Variants in SLCO1B3 observed in about 807,000 individuals in gnomAD.
SLCO1B3 encodes liver-specific organic anion transporter 2.
In SLCO1B3, 72 loss-of-function variants were observed where a neutral mutation model predicts 71.8. That is an observed-to-expected ratio of 1.00 (90% CI 0.83 to 1.22). The LOEUF is 1.22. Ranked by LOEUF, SLCO1B3 falls within the 50% of genes most tolerant of loss-of-function variation. The probability of loss-of-function intolerance (pLI) is 0.00; values close to 1 mark genes in which losing one functional copy is unlikely to be tolerated. For synonymous variants in SLCO1B3, 298 were observed against 278.4 expected (o/e 1.07, Z -0.70); for missense variants, 911 against 819.7 (o/e 1.11, Z -1.36).
At position 20,819,167 on chromosome 12, in the gene SLCO1B3, G is replaced by A. The variant is rs556152526; in HGVS notation, c.84+3345G>A. ...TTTGGACAGAAAGGCTACAGGGTGC[G>A]GTCCTGGCTCTTGTGTAAGAATTCT... On this transcript the variant is annotated intron_variant, in intron 3 of 15. Coordinates refer to ENST00000381545, the MANE Select transcript of SLCO1B3 (RefSeq NM_019844.4). Among the ~76,000 whole-genome samples the A allele has an allele frequency of 1.3e-4, 20 of 152,138 alleles. No individual in the cohort carries two copies. In the East Asian group the frequency reaches 2.9e-3, roughly 22 times the overall value.
chr12:20,908,437 C>A (rs1451961292), intron 15 of SLCO1B3, among the ~76,000 whole-genome samples: 1 of 152,178 alleles, frequency 6.6e-6, no homozygotes, highest in Admixed American at 6.5e-5. Context: ...GTTGAACTTT[C>A]TGTGGGTTTG....
chr12:20,861,953 T>A (rs1168302614), intron 6 of SLCO1B3, among the ~76,000 whole-genome samples: 5 of 151,852 alleles, frequency 3.3e-5, no homozygotes, highest in Non-Finnish European at 5.9e-5. Flanking sequence ...AAAAAAAATA[T>A]TTTGTAACGA....
intron 2 of SLCO1B3, among the ~76,000 whole-genome samples, chr12:20,815,399 A>T (rs1864175157): frequency 6.6e-6 from 1 of 152,126 alleles, no homozygotes; most frequent in Non-Finnish European, 1.5e-5. Flanking sequence ...TTGTTCATAC[A>T]ATCTAGTGTG....
rs550306722 is a variant in SLCO1B3, at chr12:20,886,958, A to T, written c.1682+3356A>T. Among the ~76,000 whole-genome samples, 40 of 152,140 alleles carry T rather than the reference A, an allele frequency of 2.6e-4. No individual in the cohort carries two copies. The South Asian group carries it at 3.7e-3, about 14-fold the overall frequency. ...ATTGTTTAGCTCCCACATCAAAGTA[A>T]GTACATGCATTTTTTACTTTCTGTT... On this transcript the variant is annotated intron_variant, in intron 13 of 15. Coordinates refer to ENST00000381545, the MANE Select transcript of SLCO1B3 (RefSeq NM_019844.4).
At chr12:20,842,432 A>G (rs1864822289) in intron 3 of SLCO1B3, among the ~76,000 whole-genome samples, 1 of 152,174 alleles carries the variant, frequency 6.6e-6, no homozygotes, top group Admixed American at 6.5e-5. Flanking sequence ...TGATATATCA[A>G]TATGTAGAAA....
At chr12:20,884,552 T>C (rs1865754967) in intron 13 of SLCO1B3, among the ~76,000 whole-genome samples, 1 of 152,066 alleles carries the variant, frequency 6.6e-6, no homozygotes, top group Non-Finnish European at 1.5e-5. Context: ...GAGAGGGGTA[T>C]GGCAGATGAT....
intron 15 of SLCO1B3, among the ~76,000 whole-genome samples, chr12:20,911,691 A>G (rs758288535): frequency 6.6e-6 from 1 of 152,042 alleles, no homozygotes; most frequent in African/African-American, 2.4e-5. Flanking sequence ...GAATTGGTCC[A>G]TTTCTTTCAG....
At chr12:20,847,485 A>G (rs147220976) in intron 3 of SLCO1B3, among the ~76,000 whole-genome samples, 328 of 152,298 alleles carry the variant, frequency 2.2e-3, no homozygotes, top group African/African-American at 7.4e-3. Flanking sequence ...GGCCTTCACC[A>G]GAATTCAACT....
intron 15 of SLCO1B3, among the ~76,000 whole-genome samples, 186 bp downstream of exon 15, chr12:20,901,653 AATGTATAT>A (rs1210383237): frequency 6.6e-6 from 1 of 152,208 alleles, no homozygotes; most frequent in African/African-American, 2.4e-5. Context: ...AACTGTAGGA[AATGTATAT>A]ATTCCTCCTT....
At chr12:20,816,950 A>G (rs1864205522) in intron 3 of SLCO1B3, among the ~76,000 whole-genome samples, 2 of 152,216 alleles carry the variant, frequency 1.3e-5, no homozygotes, top group Non-Finnish European at 2.9e-5. Context: ...TCTGATGATC[A>G]CTGATGTTGA....
intron 6 of SLCO1B3, among the ~76,000 whole-genome samples, chr12:20,861,996 A>G (rs1258073673): frequency 1.3e-5 from 2 of 152,172 alleles, no homozygotes; most frequent in Non-Finnish European, 2.9e-5. Flanking sequence ...AAATTAGGAA[A>G]CTATTATTCA....
intron 8 of SLCO1B3, among the ~76,000 whole-genome samples, chr12:20,869,119 CTT>C (rs963337200): frequency 2.0e-5 from 3 of 152,110 alleles, no homozygotes; most frequent in Non-Finnish European, 2.9e-5. Context: ...GGAGCAGAGT[CTT>C]TTCTAAACTC....
At chr12:20,848,937 G>A (rs1864967213) in intron 3 of SLCO1B3, among the ~76,000 whole-genome samples, 1 of 151,906 alleles carries the variant, frequency 6.6e-6, no homozygotes, top group Admixed American at 6.6e-5. Context: ...TATCAGAATC[G>A]ATAGACTGTA....
chr12:20,812,526 G>A (rs1864126448), intron 1 of SLCO1B3, among the ~76,000 whole-genome samples: 1 of 152,162 alleles, frequency 6.6e-6, no homozygotes, highest in East Asian at 1.9e-4. Flanking sequence ...AAGGTAGAGA[G>A]CTTTTCTGTT....
At chr12:20,887,077 A>T (rs1367547495) in intron 13 of SLCO1B3, among the ~76,000 whole-genome samples, 2 of 152,148 alleles carry the variant, frequency 1.3e-5, no homozygotes, top group Non-Finnish European at 2.9e-5. Context: ...CTAGTATTCC[A>T]TAGTGTATAC....
chr12:20,833,035 C>T (rs1223299643), intron 3 of SLCO1B3, among the ~76,000 whole-genome samples: 1 of 152,170 alleles, frequency 6.6e-6, no homozygotes, highest in Admixed American at 6.5e-5. Context: ...ATGTTTCTTT[C>T]TGAAAATTCT....
chr12:20,843,611 T>C (rs889146172), intron 3 of SLCO1B3, among the ~76,000 whole-genome samples: 3 of 151,984 alleles, frequency 2.0e-5, no homozygotes, highest in Non-Finnish European at 4.4e-5. Flanking sequence ...AAACCCCGTC[T>C]CTACTAAAAA....
intron 3 of SLCO1B3, among the ~76,000 whole-genome samples, chr12:20,833,685 TATAG>T: frequency 6.8e-6 from 1 of 147,790 alleles, no homozygotes; most frequent in East Asian, 2.0e-4. Context: ...CACTTTATGG[TATAG>T]AGAGAGATGA....
At chr12:20,812,994 C>G (rs930888205) in intron 1 of SLCO1B3, among the ~76,000 whole-genome samples, 11 of 152,066 alleles carry the variant, frequency 7.2e-5, no homozygotes, top group Non-Finnish European at 1.6e-4. Flanking sequence ...TGCTTATTAC[C>G]TTGAGACCAC....
Sources: allele counts gnomAD v4.1 joint callset (sites outside exome capture counted in the v4.1 genomes callset), GRCh38; gene constraint gnomAD v4.1.1; transcripts MANE v1.5; gene names NCBI Gene and HGNC (gene_info 2026-07-23, HGNC 2026-07-21).